CAMSAP1: variants seen among roughly 807,000 people sequenced by gnomAD.
CAMSAP1 encodes calmodulin regulated spectrin associated protein 1, also known as calmodulin-regulated spectrin-associated protein 1.
A neutral mutation model predicts 143.5 loss-of-function variants in CAMSAP1; 58 were observed. That is an observed-to-expected ratio of 0.40 (90% confidence interval 0.33 to 0.50). The LOEUF (loss-of-function observed/expected upper bound fraction) is 0.50, where lower values mean the gene tolerates loss of function less well. CAMSAP1 is among the 20% of genes least tolerant of loss of function. The pLI is 0.45. For synonymous variants in CAMSAP1, 945 were observed against 859.3 expected (o/e 1.10, Z -1.74); for missense variants, 1,969 against 2,115.7 (o/e 0.93, Z 1.36).
intron 5 of CAMSAP1, among the ~76,000 whole-genome samples, chr9:135,853,603 C>A (rs765364475): frequency 5.9e-5 from 9 of 152,182 alleles, no homozygotes; most frequent in African/African-American, 2.2e-4. Flanking sequence ...ATAGAAAAGC[C>A]GATGGATTTT....
At chr9:135,876,266 T>G (rs1322856618) in intron 3 of CAMSAP1, among the ~76,000 whole-genome samples, 1 of 152,198 alleles carries the variant, frequency 6.6e-6, no homozygotes, top group Non-Finnish European at 1.5e-5. Flanking sequence ...CTTTGCTTTT[T>G]GACAGACACT....
intron 1 of CAMSAP1, among the ~76,000 whole-genome samples, chr9:135,901,923 G>A (rs1458476078): frequency 6.6e-6 from 1 of 152,178 alleles, no homozygotes; most frequent in Non-Finnish European, 1.5e-5. Flanking sequence ...TACACCCGAA[G>A]ACACCTCTCC....
At chr9:135,831,017 G>A (rs968238733) in intron 7 of CAMSAP1, among the ~76,000 whole-genome samples, 7 of 151,912 alleles carry the variant, frequency 4.6e-5, no homozygotes, top group Non-Finnish European at 8.8e-5. Flanking sequence ...CTAAAAATAC[G>A]AAAAATTAGC....
Position 135,892,586 on chromosome 9 carries a change from C to T in CAMSAP1, c.161-9508G>A, listed in dbSNP as rs142482216. 5.1e-3 allele frequency among the ~76,000 whole-genome samples: 780 copies of T among 151,912 alleles called. 5 individuals are homozygous for T. Among genetic ancestry groups the T allele is most frequent in the African/African-American group, 0.018 (750 of 41,414 alleles). On this transcript the variant is annotated intron_variant, in intron 1 of 16. Transcript: ENST00000389532. ...AACAAATCATGGCCAGGTGCAGTGG[C>T]TCATTCCTGTAATCCCAGCACTTTG...
In CAMSAP1 at chr9:135,824,624, C is replaced by T. The variant is rs1242687787; in HGVS notation, c.1315+165G>A. Among the ~76,000 whole-genome samples, 1 of 152,154 alleles carries T rather than the reference C, an allele frequency of 6.6e-6. No homozygotes were observed. Among genetic ancestry groups the T allele is most frequent in the Non-Finnish European group, 1.5e-5 (1 of 68,034 alleles). On this transcript the variant is annotated intron_variant, in intron 9 of 16. Coordinates refer to ENST00000389532, the MANE Select transcript of CAMSAP1 (RefSeq NM_015447.4). This position sits in a 1 kb window ranked among gnomAD's most constrained non-coding sequence, Gnocchi z 4.1. ...AGGCTGCAGTGAGCCGAGATCGCGCCACAGCACTTCAGCCTGGTGACAGAG... is the reference window on the plus strand; with the variant it reads ...AGGCTGCAGTGAGCCGAGATCGCGCTACAGCACTTCAGCCTGGTGACAGAG...
At chr9:135,829,715 TG>T (rs1355947188) in intron 7 of CAMSAP1, among the ~76,000 whole-genome samples, 1 of 151,592 alleles carries the variant, frequency 6.6e-6, no homozygotes, top group Non-Finnish European at 1.5e-5. Flanking sequence ...TAGCCAGGCG[TG>T]GTGGCGGATA....
intron 5 of CAMSAP1, among the ~76,000 whole-genome samples, chr9:135,856,161 A>G (rs1836962586): frequency 6.6e-6 from 1 of 152,244 alleles, no homozygotes; most frequent in South Asian, 2.1e-4. Context: ...CACTGCTGAT[A>G]AAGACATACC....
At chr9:135,848,947 T>C (rs1468677933) in intron 7 of CAMSAP1, among the ~76,000 whole-genome samples, 1 of 152,188 alleles carries the variant, frequency 6.6e-6, no homozygotes, top group Non-Finnish European at 1.5e-5. Flanking sequence ...CAAGTAACAC[T>C]CTCGCCAGCA....
At chr9:135,831,639 C>A (rs1835865331) in intron 7 of CAMSAP1, among the ~76,000 whole-genome samples, 1 of 151,786 alleles carries the variant, frequency 6.6e-6, no homozygotes, top group South Asian at 2.1e-4. Flanking sequence ...AAGATCAGAG[C>A]AGAAATAGAT....
At chr9:135,867,366 C>T (rs569594815) in intron 3 of CAMSAP1, among the ~76,000 whole-genome samples, 83 of 152,158 alleles carry the variant, frequency 5.5e-4, no homozygotes, top group African/African-American at 1.9e-3. Context: ...TTGCAAAGGA[C>T]GAGTGTGGCA....
At position 135,811,301 on chromosome 9, in the gene CAMSAP1, C is replaced by T. The variant is rs764704881; in HGVS notation, c.*8G>A. On this transcript the variant is annotated 3_prime_UTR_variant, in exon 17 of 17. Coordinates refer to ENST00000389532, the MANE Select transcript of CAMSAP1 (RefSeq NM_015447.4). The surrounding 1 kb of genome is among the most constrained non-coding windows in gnomAD (Gnocchi z 4.9). ...TGGGTCACCCTTTGGACGCCAGCTG[C>T]ACCGGGGTCATTTACGAGTCTGGGC... The T allele has an allele frequency of 1.9e-6, 3 of 1,610,362 alleles. No homozygotes were observed. Among genetic ancestry groups the T allele is most frequent in the African/African-American group, 1.3e-5 (1 of 74,996 alleles).
chr9:135,846,913 C>G (rs1216365921), intron 7 of CAMSAP1, among the ~76,000 whole-genome samples: 1 of 152,122 alleles, frequency 6.6e-6, no homozygotes, highest in African/African-American at 2.4e-5. Flanking sequence ...AGAAATGGAA[C>G]ACTTTTACAC....
intron 1 of CAMSAP1, among the ~76,000 whole-genome samples, chr9:135,906,656 G>T (rs950525380): frequency 6.6e-6 from 1 of 152,296 alleles, no homozygotes; most frequent in East Asian, 1.9e-4. Context: ...TCAGACGGCG[G>T]CCCCGCGTCC....
intron 3 of CAMSAP1, among the ~76,000 whole-genome samples, chr9:135,873,306 T>C (rs964922439): frequency 3.3e-5 from 5 of 152,194 alleles, no homozygotes; most frequent in African/African-American, 1.2e-4. Context: ...TATAAAAATA[T>C]ATAATGCACG....
chr9:135,836,951 TCAC>T, intron 7 of CAMSAP1: 1 of 982,876 alleles, frequency 1.0e-6, no homozygotes, highest in Non-Finnish European at 1.2e-6. Flanking sequence ...CAGACACACG[TCAC>T]CACACACTTT....
At chr9:135,904,812 A>C (rs1269702609) in intron 1 of CAMSAP1, among the ~76,000 whole-genome samples, 2 of 152,262 alleles carry the variant, frequency 1.3e-5, no homozygotes, top group East Asian at 3.9e-4. Flanking sequence ...GAAAAATACA[A>C]AAACTGGCCG....
chr9:135,879,707 G>A (rs1224840587), intron 3 of CAMSAP1, among the ~76,000 whole-genome samples: 1 of 151,868 alleles, frequency 6.6e-6, no homozygotes, highest in African/African-American at 2.4e-5. Flanking sequence ...CCTTAAATAT[G>A]AACAACCATT....
At chr9:135,856,037 G>A (rs549291549) in intron 5 of CAMSAP1, among the ~76,000 whole-genome samples, 1 of 152,294 alleles carries the variant, frequency 6.6e-6, no homozygotes, top group African/African-American at 2.4e-5. Context: ...AGGCAAGAGA[G>A]TGAGACTCCA....
At chr9:135,858,275 TCTGA>T in intron 5 of CAMSAP1, among the ~76,000 whole-genome samples, 1 of 152,264 alleles carries the variant, frequency 6.6e-6, no homozygotes, top group Non-Finnish European at 1.5e-5. Flanking sequence ...GGGAGTGACT[TCTGA>T]CTAACAGAAA....
Sources: allele counts gnomAD v4.1 joint callset (sites outside exome capture counted in the v4.1 genomes callset), GRCh38; gene constraint gnomAD v4.1.1; non-coding constraint Gnocchi (gnomAD v3.1); transcripts MANE v1.5; gene names NCBI Gene and HGNC (gene_info 2026-07-23, HGNC 2026-07-21).